The following TRAF3IP3 variants were observed in gnomAD, a reference collection of about 807,000 sequenced individuals.
The protein encoded by TRAF3IP3 is TRAF3 interacting protein 3.
A neutral mutation model predicts 86.5 loss-of-function variants in TRAF3IP3; 64 were observed. The observed-to-expected ratio is 0.74, with a 90% CI of 0.60 to 0.91. The LOEUF is 0.91. TRAF3IP3 is among the 40% of genes least tolerant of loss of function. The probability of loss-of-function intolerance (pLI) is 0.00; values close to 1 mark genes in which losing one functional copy is unlikely to be tolerated. For missense variants in TRAF3IP3, 579 were observed against 642.9 expected, an observed-to-expected ratio of 0.90 and a Z score of 1.07; for synonymous variants, 220 against 243.9, an observed-to-expected ratio of 0.90 and a Z score of 0.91.
At chr1:209,778,695 T>C (rs1451866248) in intron 13 of TRAF3IP3, 1 of 154,134 alleles carries the variant, frequency 6.5e-6, no homozygotes, top group African/African-American at 2.4e-5. Context: ...TGACACCTGA[T>C]AGAGAAGCTT....
intron 8 of TRAF3IP3, chr1:209,768,083 C>CT: frequency 1.1e-6 from 1 of 942,876 alleles, no homozygotes; most frequent in South Asian, 4.9e-5. Context: ...ATTCAACTCT[C>CT]TATCTCTTCC....
chr1:209,760,262 G>T lies in TRAF3IP3; in HGVS notation c.223G>T (p.Glu75Ter), dbSNP rs868010282. ...CAGGAGGAGGAACCTGGAGCTAGAG[G>T]AGAAGGGCAAAGCGCAGCATCCCCA... ...FFRRRNLELE[E>*]KGKAQHPQAR... The change falls in exon 3 of 17, where the codon GAG (glutamate) becomes TAG (stop). Residue 75 changes from glutamate to a stop codon, truncating the protein, a stop_gained. Coordinates refer to ENST00000367025, the MANE Select transcript of TRAF3IP3 (RefSeq NM_025228.4). LOFTEE classifies it high-confidence loss of function. 2.5e-6 allele frequency: 4 copies of T among 1,614,122 alleles called. No individual in the cohort carries two copies. The highest frequency in any genetic ancestry group is 1.7e-5 in the Admixed American group (1 of 60,010).
intron 10 of TRAF3IP3, 39 bp from the exon 11 acceptor site, chr1:209,775,558 GCA>G: frequency 6.2e-7 from 1 of 1,614,180 alleles, no homozygotes; most frequent in Non-Finnish European, 8.5e-7. Flanking sequence ...GGAGCCAGCT[GCA>G]CAACTCCCTG....
chr1:209,765,226 AG>A (rs1356941075), intron 8 of TRAF3IP3, among the ~76,000 whole-genome samples: 2,130 of 77,034 alleles, frequency 0.028, 213 homozygotes, highest in African/African-American at 0.088. Context: ...AGAGAGAGAG[AG>A]AGGAAGGAAG....
At chr1:209,758,141 T>C (rs1468103345) in intron 1 of TRAF3IP3, among the ~76,000 whole-genome samples, 1 of 152,176 alleles carries the variant, frequency 6.6e-6, no homozygotes, top group Non-Finnish European at 1.5e-5. Context: ...TTTATAACAA[T>C]AGACATGGGT....
chr1:209,765,745 A>T (rs2077345157), intron 8 of TRAF3IP3, among the ~76,000 whole-genome samples: 1 of 152,224 alleles, frequency 6.6e-6, no homozygotes, highest in African/African-American at 2.4e-5. Context: ...CACTTTTGCA[A>T]ATATTTTTAA....
At chr1:209,768,275 T>C (rs1368901763) in intron 8 of TRAF3IP3, 2 of 985,294 alleles carry the variant, frequency 2.0e-6, no homozygotes, top group Non-Finnish European at 2.4e-6. Context: ...ATCCCAAGGA[T>C]CAGCTCCCTC....
intron 8 of TRAF3IP3, among the ~76,000 whole-genome samples, chr1:209,771,440 TGGA>T (rs1357983524): frequency 3.6e-5 from 3 of 82,784 alleles, no homozygotes; most frequent in South Asian, 4.0e-4. Context: ...TGTGTGCATG[TGGA>T]GGTGTGTGTG....
intron 9 of TRAF3IP3, among the ~76,000 whole-genome samples, chr1:209,773,878 G>A (rs1571951936): frequency 6.6e-6 from 1 of 152,194 alleles, no homozygotes; most frequent in African/African-American, 2.4e-5. Flanking sequence ...CATAACCAGT[G>A]CCCAGCATGG....
At chr1:209,778,535 A>G (rs927603034) in intron 13 of TRAF3IP3, 1 of 214,928 alleles carries the variant, frequency 4.7e-6, no homozygotes, top group African/African-American at 2.3e-5. Flanking sequence ...TTTAGAAAAT[A>G]AGCTTACACT....
Position 209,760,022 on chromosome 1 carries a change from A to AG in TRAF3IP3, c.-16dup. Reference sequence around the variant, plus strand: ...CCAGGAACTGGAAGCCAAGCGCAACAGGTGCTTGGAGGTCATCATGATCAG... The same window carrying AG: ...CCAGGAACTGGAAGCCAAGCGCAACAGGGTGCTTGGAGGTCATCATGATCAG... On this transcript the variant is annotated 5_prime_UTR_variant, in exon 3 of 17. Coordinates refer to ENST00000367025, the MANE Select transcript of TRAF3IP3 (RefSeq NM_025228.4). 1 of 1,588,154 alleles carries AG rather than the reference A, an allele frequency of 6.3e-7. No homozygotes were observed. Among genetic ancestry groups the AG allele is most frequent in the East Asian group, 2.3e-5 (1 of 44,362 alleles).
chr1:209,758,209 G>A (rs1245739010), intron 1 of TRAF3IP3, among the ~76,000 whole-genome samples: 1 of 152,138 alleles, frequency 6.6e-6, no homozygotes, highest in African/African-American at 2.4e-5. Context: ...AAGAAGTCAA[G>A]GGACCACCCC....
chr1:209,762,560 CCCT>C lies in TRAF3IP3; in HGVS notation c.393_395del (p.Ser132del). On this transcript the variant is annotated inframe_deletion, in exon 4 of 17. Transcript: ENST00000367025. ...AGTCTTTCCAGCCCAGCATCCTCCT[CCCT>C]CAGGCATCTGCAGGGATCTGTCTGA... The C allele has an allele frequency of 6.7e-7, 1 of 1,486,448 alleles. No homozygotes were observed. The highest frequency in any genetic ancestry group is 8.9e-7 in the Non-Finnish European group (1 of 1,118,886). The allele number at this position is 1,486,448 out of a possible 1,614,324, so 92.1% of individuals were successfully genotyped here.
At position 209,775,701 on chromosome 1, in the gene TRAF3IP3, G is replaced by A. The variant is rs773770962; in HGVS notation, c.1018G>A (p.Glu340Lys). The change falls in exon 11 of 17, where the codon GAG (glutamate) becomes AAG (lysine). Residue 340 changes from glutamate (E) to lysine (K), a missense_variant. Transcript: ENST00000367025. ...CCTTGGGACCCAGCACAGGGAGCTG[G>A]AGAGCCAACTCCACGTGCTTCAGTC... Reference protein sequence around the residue: ...RTLGTQHRELESQLHVLQSKL... With the variant: ...RTLGTQHRELKSQLHVLQSKL... The A allele has an allele frequency of 6.2e-7, 1 of 1,613,770 alleles. No homozygotes were observed. The highest frequency in any genetic ancestry group is 1.1e-5 in the South Asian group (1 of 91,006).
At chr1:209,778,000 C>A in intron 12 of TRAF3IP3, 111 bp from the exon 13 acceptor site, 1 of 941,448 alleles carries the variant, frequency 1.1e-6, no homozygotes, top group Non-Finnish European at 1.6e-6. Flanking sequence ...TTCCAATAGA[C>A]ACACGTTAAA....
intron 14 of TRAF3IP3, 150 bp from the exon 15 acceptor site, chr1:209,780,320 A>T: frequency 1.6e-6 from 1 of 634,166 alleles, no homozygotes; most frequent in Non-Finnish European, 2.4e-6. Flanking sequence ...ACTGGAAGTT[A>T]ACCTTTATGT....
In TRAF3IP3 at chr1:209,765,239, A is replaced by AG. The variant is rs2077331052; in HGVS notation, c.702+1652_702+1653insG. Among the ~76,000 whole-genome samples, 16 of 101,946 alleles carry AG rather than the reference A, an allele frequency of 1.6e-4. No homozygotes were observed. The East Asian group carries it at 3.6e-3, about 23-fold the overall frequency. The allele number at this position is 101,946 out of a possible 152,430, so 66.9% of individuals were successfully genotyped here. ...GGAGAGAGAGAGAGAGGAAGGAAGGAAGGAAGGAAGGAAGGAAGGAAGGAA... is the reference window on the plus strand; with the variant it reads ...GGAGAGAGAGAGAGAGGAAGGAAGGAGAGGAAGGAAGGAAGGAAGGAAGGAA... On this transcript the variant is annotated intron_variant, in intron 8 of 16. Transcript: ENST00000367025.
At chr1:209,761,224 T>C (rs2077239326) in intron 3 of TRAF3IP3, among the ~76,000 whole-genome samples, 1 of 152,220 alleles carries the variant, frequency 6.6e-6, no homozygotes, top group Admixed American at 6.5e-5. Flanking sequence ...TATAGCCTCA[T>C]CTGGTCCAGG....
rs375415223 is a variant in TRAF3IP3, at chr1:209,765,178, G to GGAGAGAGAGAGA, written c.702+1615_702+1626dup. On this transcript the variant is annotated intron_variant, in intron 8 of 16. Coordinates refer to ENST00000367025, the MANE Select transcript of TRAF3IP3 (RefSeq NM_025228.4). ...TGACAGAGCAGGACTCTGAGAGACAGGAGAGAGAGAGAGAGAGAGAGAGAG... is the reference window on the plus strand; with the variant it reads ...TGACAGAGCAGGACTCTGAGAGACAGGAGAGAGAGAGAGAGAGAGAGAGAGAGAGAGAGAGAG... 4.8e-4 allele frequency among the ~76,000 whole-genome samples: 42 copies of GGAGAGAGAGAGA among 87,870 alleles called. 1 individual carries two copies. Among genetic ancestry groups the GGAGAGAGAGAGA allele is most frequent in the Admixed American group, 2.4e-3 (16 of 6,554 alleles). The allele number at this position is 87,870 out of a possible 152,430, so 57.6% of individuals were successfully genotyped here. A position where few individuals can be genotyped will look rare whatever the true frequency, so the allele number is the denominator to read the frequency against.
Sources: gnomAD v4.1 joint callset for allele counts (sites outside exome capture counted in the v4.1 genomes callset) on GRCh38, gnomAD v4.1.1 for gene constraint, MANE v1.5 for transcripts, NCBI Gene and HGNC (gene_info 2026-07-23, HGNC 2026-07-21) for gene names.